PLCH1: variants seen among roughly 807,000 people sequenced by gnomAD.
PLCH1 encodes phospholipase C eta 1.
PLCH1 carries 60 observed loss-of-function variants against 126.7 expected under a neutral mutation model. The ratio of observed to expected loss-of-function variants is 0.47; its 90% CI spans 0.38 to 0.59. The LOEUF is 0.59. Ranked by LOEUF, PLCH1 falls within the 20% of genes least tolerant of loss-of-function variation. The pLI, the probability that PLCH1 is intolerant of heterozygous loss-of-function variation, is 0.00. For synonymous variants in PLCH1, 719 were observed against 734.9 expected, an observed-to-expected ratio of 0.98 and a Z score of 0.35; for missense variants, 1,723 against 2,040.0, an observed-to-expected ratio of 0.84 and a Z score of 2.99.
intron 1 of PLCH1, among the ~76,000 whole-genome samples, chr3:155,717,394 A>T (rs1042989729): frequency 1.3e-5 from 2 of 152,174 alleles, no homozygotes; most frequent in Admixed American, 1.3e-4. Flanking sequence ...TTTCCCTTCC[A>T]TACTGCCCTA....
chr3:155,741,684 C>CTTTTATT, intron 1 of PLCH1, among the ~76,000 whole-genome samples: 2 of 102,862 alleles, frequency 1.9e-5, no homozygotes, highest in Admixed American at 1.2e-4. Context: ...TTTATATCCT[C>CTTTTATT]TTTTTTTTTT....
chr3:155,552,078 A>G (rs1726223308), intron 9 of PLCH1, among the ~76,000 whole-genome samples: 1 of 152,252 alleles, frequency 6.6e-6, no homozygotes, highest in Non-Finnish European at 1.5e-5. Context: ...TAAATCTGCT[A>G]TACAGCAAGT....
rs143532964 is a variant in PLCH1 at position 155,580,286 on chromosome 3, A to G, written c.771+3186T>C. ...AGTAAATAATTCAGAAAAAACATATACATGGATTTTGTTCACCAAATACTT... is the reference window on the plus strand; with the variant it reads ...AGTAAATAATTCAGAAAAAACATATGCATGGATTTTGTTCACCAAATACTT... On this transcript the variant is annotated intron_variant, in intron 6 of 22. Coordinates refer to ENST00000460012, the MANE Select transcript of PLCH1 (RefSeq NM_014996.4). Among the ~76,000 whole-genome samples, 463 of 152,334 alleles carry G rather than the reference A, an allele frequency of 3.0e-3. 2 individuals are homozygous for G. Among genetic ancestry groups the G allele is most frequent in the South Asian group, 0.02 (98 of 4,826 alleles).
At chr3:155,664,449 TG>T (rs1742514756) in intron 2 of PLCH1, among the ~76,000 whole-genome samples, 1 of 152,248 alleles carries the variant, frequency 6.6e-6, no homozygotes. Flanking sequence ...AAACATTTTT[TG>T]TATAAAGCCA....
intron 10 of PLCH1, among the ~76,000 whole-genome samples, chr3:155,529,482 C>T (rs1242467076): frequency 1.3e-5 from 2 of 151,664 alleles, no homozygotes; most frequent in Non-Finnish European, 2.9e-5. Flanking sequence ...ATGAATATCA[C>T]AATAAAGAGA....
At chr3:155,518,153 T>C (rs1720604489) in intron 11 of PLCH1, among the ~76,000 whole-genome samples, 3 of 152,210 alleles carry the variant, frequency 2.0e-5, no homozygotes. Flanking sequence ...TGGTGCACAA[T>C]TCACAACTTA....
At chr3:155,589,926 A>G (rs947542476) in intron 4 of PLCH1, among the ~76,000 whole-genome samples, 3 of 152,182 alleles carry the variant, frequency 2.0e-5, no homozygotes, top group African/African-American at 7.2e-5. Context: ...TTGCAGATAA[A>G]AGACTTGAAG....
chr3:155,594,197 T>G lies in PLCH1; in HGVS notation c.227-13A>C, dbSNP rs764154904. 2.5e-6 allele frequency: 4 copies of G among 1,610,872 alleles called. No individual in the cohort carries two copies. In the East Asian group the frequency reaches 8.9e-5, roughly 36 times the overall value. On this transcript the variant is annotated splice_polypyrimidine_tract_variant and intron_variant, in intron 3 of 22. Coordinates refer to ENST00000460012, the MANE Select transcript of PLCH1 (RefSeq NM_014996.4). ...GAATCAATAAGTACTGTGAGGAAAA[T>G]GAGATACACACAGTTATACAGCAGG... is the stretch of plus-strand genomic sequence containing the variant.
intron 8 of PLCH1, among the ~76,000 whole-genome samples, chr3:155,564,676 T>A (rs1162533419): frequency 1.3e-5 from 2 of 152,242 alleles, no homozygotes; most frequent in African/African-American, 2.4e-5. Context: ...ATTTTCATCA[T>A]AATTTCTCAG....
intron 10 of PLCH1, among the ~76,000 whole-genome samples, chr3:155,526,475 TTCTC>T (rs62936260): frequency 0.44 from 59,960 of 135,394 alleles, 15,747 homozygotes; most frequent in Non-Finnish European, 0.58. Context: ...TCTCTCTTCT[TTCTC>T]TCTCTCTCAT....
At chr3:155,616,233 T>C (rs988330018) in intron 2 of PLCH1, among the ~76,000 whole-genome samples, 2 of 152,212 alleles carry the variant, frequency 1.3e-5, no homozygotes, top group African/African-American at 4.8e-5. Flanking sequence ...TATAGTTTCT[T>C]CTAAGAGAAA....
Position 155,543,717 on chromosome 3 carries a change from G to C in PLCH1, c.1362+6070C>G, listed in dbSNP as rs879366481. On this transcript the variant is annotated intron_variant, in intron 10 of 22. Transcript: ENST00000460012. ...GGCAGAAACTCTACAAGCCAGAAGA[G>C]AGTGGGGGCCAATATTCAACATTCT... Among the ~76,000 whole-genome samples the C allele has an allele frequency of 7.2e-4, 109 of 151,900 alleles. 1 individual carries two copies. The highest frequency in any genetic ancestry group is 3.1e-3 in the South Asian group (15 of 4,784).
Position 155,485,596 on chromosome 3 carries a change from G to A in PLCH1, c.2734C>T (p.Arg912Cys), listed in dbSNP as rs536782697. 6 of 1,613,784 alleles carry A rather than the reference G, an allele frequency of 3.7e-6. No homozygotes were observed. Among genetic ancestry groups the A allele is most frequent in the South Asian group, 1.1e-5 (1 of 91,078 alleles). The change falls in exon 22 of 23, where the codon CGC becomes TGC. Residue 912 changes from arginine to cysteine, a missense_variant. By Grantham distance (180) the Arg-to-Cys change is radical. Around this residue, in one of 2 missense-constraint regions of PLCH1, gnomAD observed 947 missense variants for 977.1 expected, o/e 0.97. Transcript: ENST00000460012. ...KRSIGDRILR[R>C]TASAPAKGRK... is the part of the protein sequence containing the mutation. ...CCTTTGGCTGGGGCGCTAGCTGTGC[G>A]TCGCAGAATTCTATCTCCAATGGAT...
chr3:155,676,585 A>C (rs1480469384), intron 2 of PLCH1, among the ~76,000 whole-genome samples: 3 of 152,174 alleles, frequency 2.0e-5, no homozygotes, highest in Non-Finnish European at 4.4e-5. Context: ...ACACACTCTC[A>C]GAAGCAAACA....
At chr3:155,600,162 T>C (rs1312297994) in intron 2 of PLCH1, among the ~76,000 whole-genome samples, 1 of 152,184 alleles carries the variant, frequency 6.6e-6, no homozygotes, top group African/African-American at 2.4e-5. Flanking sequence ...CAATGCCTTG[T>C]AATTACAAAG....
intron 2 of PLCH1, among the ~76,000 whole-genome samples, chr3:155,617,791 A>C (rs1402710425): frequency 1.3e-5 from 2 of 152,154 alleles, no homozygotes; most frequent in African/African-American, 4.8e-5. Context: ...CCCTTGAAAA[A>C]ACTGGTCCTC....
At chr3:155,665,400 C>A (rs761252782) in intron 2 of PLCH1, among the ~76,000 whole-genome samples, 1 of 152,114 alleles carries the variant, frequency 6.6e-6, no homozygotes, top group Non-Finnish European at 1.5e-5. Context: ...GCCAATGAGA[C>A]AGAAGAGATC....
At chr3:155,665,984 C>A (rs1375181271) in intron 2 of PLCH1, among the ~76,000 whole-genome samples, 2 of 152,192 alleles carry the variant, frequency 1.3e-5, no homozygotes, top group Admixed American at 1.3e-4. Flanking sequence ...ATATCAATCA[C>A]CATAGATATT....
At chr3:155,521,878 C>T (rs1721148782) in intron 11 of PLCH1, among the ~76,000 whole-genome samples, 1 of 152,198 alleles carries the variant, frequency 6.6e-6, no homozygotes, top group South Asian at 2.1e-4. Context: ...GCTCTACTTT[C>T]ACTTAGGGCC....
Sources: allele counts gnomAD v4.1 joint callset (sites outside exome capture counted in the v4.1 genomes callset), GRCh38; gene constraint gnomAD v4.1.1; regional missense constraint gnomAD v4.1.1; transcripts MANE v1.5; gene names NCBI Gene and HGNC (gene_info 2026-07-23, HGNC 2026-07-21).